THSD7B: variants seen among roughly 807,000 people sequenced by gnomAD.
The protein encoded by THSD7B is thrombospondin type 1 domain containing 7B.
In THSD7B, 138 loss-of-function variants were observed where a neutral mutation model predicts 213.6. That is an observed-to-expected ratio of 0.65 (90% CI 0.56 to 0.74). The LOEUF (loss-of-function observed/expected upper bound fraction) is 0.74, where lower values mean the gene tolerates loss of function less well. Among genes scored for constraint, THSD7B ranks in the 30% least tolerant of loss-of-function variants. THSD7B has a pLI of 0.00. For synonymous variants in THSD7B, 742 were observed against 687.0 expected, an observed-to-expected ratio of 1.08 and a Z score of -1.25; for missense variants, 1,931 against 1,991.5, an observed-to-expected ratio of 0.97 and a Z score of 0.58.
At chr2:137,323,982 T>C (rs966004466) in intron 12 of THSD7B, among the ~76,000 whole-genome samples, 4 of 152,138 alleles carry the variant, frequency 2.6e-5, no homozygotes, top group Non-Finnish European at 5.9e-5. Flanking sequence ...AATAGGAAAA[T>C]ACATCACTCT....
intron 2 of THSD7B, among the ~76,000 whole-genome samples, chr2:136,939,020 T>A (rs1684775855): frequency 6.6e-6 from 1 of 152,198 alleles, no homozygotes; most frequent in Non-Finnish European, 1.5e-5. Context: ...TCCTTTGCTG[T>A]TCGTTGAGTC....
At chr2:137,452,526 C>T (rs1228704143) in intron 15 of THSD7B, among the ~76,000 whole-genome samples, 1 of 152,154 alleles carries the variant, frequency 6.6e-6, no homozygotes, top group African/African-American at 2.4e-5. Flanking sequence ...AAAAGAACTA[C>T]TAAGCACTTA....
intron 12 of THSD7B, among the ~76,000 whole-genome samples, chr2:137,276,579 T>C (rs1682879446): frequency 6.6e-6 from 1 of 152,070 alleles, no homozygotes; most frequent in Admixed American, 6.6e-5. Flanking sequence ...GTAGAACTGC[T>C]TTTTATCATC....
intron 17 of THSD7B, among the ~76,000 whole-genome samples, chr2:137,596,559 G>A (rs1681960846): frequency 6.6e-6 from 1 of 152,004 alleles, no homozygotes; most frequent in African/African-American, 2.4e-5. Context: ...GAGATAAAAT[G>A]AATTGACTTC....
chr2:137,322,069 T>C (rs1178722303), intron 12 of THSD7B, among the ~76,000 whole-genome samples: 1 of 152,242 alleles, frequency 6.6e-6, no homozygotes, highest in Non-Finnish European at 1.5e-5. Flanking sequence ...GTTTTAAGGT[T>C]GTAGAGCATT....
rs1683678835 is a variant in THSD7B, at chr2:136,884,241, G to A, written c.139+1924G>A. Among the ~76,000 whole-genome samples the A allele has an allele frequency of 2.6e-5, 4 of 152,230 alleles. No homozygotes were observed. In the South Asian group the frequency reaches 8.3e-4, roughly 32 times the overall value. On this transcript the variant is annotated intron_variant, in intron 2 of 27. Transcript: ENST00000409968. ...AGGACATTTACAAAAGTAGGCAAGTGTGAGCAGTGTGTAAGGACAGGAACA... is the reference window on the plus strand; with the variant it reads ...AGGACATTTACAAAAGTAGGCAAGTATGAGCAGTGTGTAAGGACAGGAACA...
chr2:137,026,589 C>CT (rs1343441313), intron 2 of THSD7B, among the ~76,000 whole-genome samples: 1 of 152,122 alleles, frequency 6.6e-6, no homozygotes, highest in Non-Finnish European at 1.5e-5. Context: ...TGTTGTGTGT[C>CT]TATCTCCCTA....
chr2:137,216,724 CA>C, intron 7 of THSD7B, among the ~76,000 whole-genome samples: 1 of 152,250 alleles, frequency 6.6e-6, no homozygotes, highest in Middle Eastern at 3.4e-3. Flanking sequence ...TGAAATTTCA[CA>C]GCGAAAGAAA....
intron 7 of THSD7B, among the ~76,000 whole-genome samples, chr2:137,178,960 T>C (rs983716695): frequency 7.2e-5 from 11 of 152,216 alleles, no homozygotes; most frequent in African/African-American, 2.7e-4. Flanking sequence ...GACTTTAATA[T>C]TTAGAAATAG....
In THSD7B at chr2:137,331,704, G is replaced by C. The variant is rs932428969; in HGVS notation, c.2500+55678G>C. ...TCTGGCCACACAGGAGCCCATGGAG[G>C]GGGTGGGAGACTCAGGCATGGCGGG... On this transcript the variant is annotated intron_variant, in intron 12 of 27. Coordinates refer to ENST00000409968, the MANE Select transcript of THSD7B (RefSeq NM_001316349.2). Among the ~76,000 whole-genome samples the C allele has an allele frequency of 3.9e-5, 6 of 152,204 alleles. No individual in the cohort carries two copies. The South Asian group carries it at 8.3e-4, about 21-fold the overall frequency.
At chr2:137,478,443 C>A (rs1407674806) in intron 15 of THSD7B, among the ~76,000 whole-genome samples, 1 of 151,902 alleles carries the variant, frequency 6.6e-6, no homozygotes, top group Non-Finnish European at 1.5e-5. Context: ...TGTTGTTATC[C>A]ACCTCTGGTA....
At chr2:137,429,395 C>T (rs1346543717) in intron 14 of THSD7B, among the ~76,000 whole-genome samples, 1 of 152,026 alleles carries the variant, frequency 6.6e-6, no homozygotes, top group African/African-American at 2.4e-5. Context: ...TAGTTGAATG[C>T]AAATATATAT....
intron 12 of THSD7B, among the ~76,000 whole-genome samples, chr2:137,296,639 A>G (rs761406632): frequency 1.4e-4 from 21 of 152,274 alleles, no homozygotes; most frequent in South Asian, 2.1e-4. Context: ...TGAATGCTAA[A>G]TGACAGTTTT....
At chr2:137,569,280 A>T (rs1681305450) in intron 16 of THSD7B, among the ~76,000 whole-genome samples, 1 of 152,208 alleles carries the variant, frequency 6.6e-6, no homozygotes, top group Admixed American at 6.5e-5. Flanking sequence ...TTTCCATCCT[A>T]CAGAGCTATA....
intron 2 of THSD7B, among the ~76,000 whole-genome samples, chr2:137,017,330 T>C (rs1462724728): frequency 1.3e-5 from 2 of 151,786 alleles, no homozygotes; most frequent in East Asian, 1.9e-4. Context: ...AAAGTTAATT[T>C]TGGTGGTTAG....
chr2:136,798,547 C>T (rs1682112906), intron 1 of THSD7B, among the ~76,000 whole-genome samples: 2 of 151,988 alleles, frequency 1.3e-5, no homozygotes, highest in South Asian at 4.1e-4. Context: ...CCCCTATCTG[C>T]TTCCCTGTCT....
intron 15 of THSD7B, among the ~76,000 whole-genome samples, chr2:137,512,590 G>A (rs909530331): frequency 1.3e-5 from 2 of 151,410 alleles, no homozygotes; most frequent in Non-Finnish European, 2.9e-5. Flanking sequence ...ACAGGGTTTT[G>A]TCATGTTGCC....
At chr2:137,398,975 T>G (rs1686280691) in intron 12 of THSD7B, among the ~76,000 whole-genome samples, 1 of 152,196 alleles carries the variant, frequency 6.6e-6, no homozygotes, top group Non-Finnish European at 1.5e-5. Context: ...GGGAACTCCC[T>G]GACCCCTTGT....
chr2:137,636,151 C>A (rs562044944), intron 20 of THSD7B, among the ~76,000 whole-genome samples: 7 of 152,290 alleles, frequency 4.6e-5, no homozygotes, highest in African/African-American at 1.7e-4. Context: ...TCAAAATATT[C>A]ATGAACAAAC....
Sources: allele counts gnomAD v4.1 joint callset (sites outside exome capture counted in the v4.1 genomes callset), GRCh38; gene constraint gnomAD v4.1.1; transcripts MANE v1.5; gene names NCBI Gene and HGNC (gene_info 2026-07-23, HGNC 2026-07-21).